Variants in CMSS1 observed in about 807,000 individuals in gnomAD.
The protein encoded by CMSS1 is protein CMSS1.
In CMSS1, 33 loss-of-function variants were observed where a neutral mutation model predicts 43.5. The observed-to-expected ratio is 0.76, with a 90% CI of 0.57 to 1.01. The LOEUF is 1.01. CMSS1 is among the 50% of genes least tolerant of loss of function. The pLI, the probability that CMSS1 is intolerant of heterozygous loss-of-function variation, is 0.00. For synonymous variants in CMSS1, 115 were observed against 117.2 expected (o/e 0.98, Z 0.12); for missense variants, 313 against 326.4 (o/e 0.96, Z 0.32).
intron 1 of CMSS1, among the ~76,000 whole-genome samples, chr3:99,846,737 G>A: frequency 6.6e-6 from 1 of 152,190 alleles, no homozygotes; most frequent in Non-Finnish European, 1.5e-5. Context: ...TTTTGTAGGG[G>A]AAAGGAGGAT....
chr3:99,824,363 T>G (rs896257696), intron 1 of CMSS1, among the ~76,000 whole-genome samples: 1 of 152,236 alleles, frequency 6.6e-6, no homozygotes, highest in African/African-American at 2.4e-5. Context: ...GTTATTATAA[T>G]TCTCAGCAGA....
chr3:100,024,026 C>T (rs2064874714), intron 1 of CMSS1, among the ~76,000 whole-genome samples: 1 of 152,188 alleles, frequency 6.6e-6, no homozygotes, highest in African/African-American at 2.4e-5. Flanking sequence ...AGCTGACAGA[C>T]TGGCAAGGAT....
At chr3:100,087,197 T>C (rs1299087022) in intron 1 of CMSS1, among the ~76,000 whole-genome samples, 2 of 152,236 alleles carry the variant, frequency 1.3e-5, no homozygotes, top group Admixed American at 1.3e-4. Flanking sequence ...GTAGCTTTCT[T>C]GTGAGTGTTT....
At chr3:99,919,160 G>A (rs915080212) in intron 1 of CMSS1, among the ~76,000 whole-genome samples, 1 of 151,996 alleles carries the variant, frequency 6.6e-6, no homozygotes, top group Non-Finnish European at 1.5e-5. Context: ...TTAATGGCAC[G>A]ATATTGAATT....
At chr3:100,027,964 T>C (rs911647837) in intron 1 of CMSS1, among the ~76,000 whole-genome samples, 2 of 152,160 alleles carry the variant, frequency 1.3e-5, no homozygotes, top group African/African-American at 2.4e-5. Context: ...GGAGTTTGAA[T>C]GCTGTTGTTA....
chr3:99,906,970 G>C (rs1026299452), intron 1 of CMSS1, among the ~76,000 whole-genome samples: 2 of 152,052 alleles, frequency 1.3e-5, no homozygotes, highest in African/African-American at 4.8e-5. Flanking sequence ...CGACTTTTAA[G>C]TTTATTTAAA....
intron 1 of CMSS1, among the ~76,000 whole-genome samples, chr3:100,076,695 G>C (rs1043137666): frequency 6.6e-6 from 1 of 152,150 alleles, no homozygotes; most frequent in Non-Finnish European, 1.5e-5. Flanking sequence ...CATGAATATT[G>C]TTTGACTTCA....
intron 1 of CMSS1, among the ~76,000 whole-genome samples, chr3:99,967,434 G>A (rs1429775093): frequency 2.0e-5 from 3 of 152,190 alleles, no homozygotes; most frequent in African/African-American, 7.2e-5. Context: ...TAGGCCATAA[G>A]AGCCTGAATT....
intron 1 of CMSS1, among the ~76,000 whole-genome samples, chr3:99,905,954 A>C (rs1327145372): frequency 6.6e-6 from 1 of 152,098 alleles, no homozygotes; most frequent in Non-Finnish European, 1.5e-5. Context: ...GCAGTTTGGG[A>C]GGCTGAGGCA....
At chr3:99,980,655 A>G (rs886203291) in intron 1 of CMSS1, among the ~76,000 whole-genome samples, 3 of 152,218 alleles carry the variant, frequency 2.0e-5, no homozygotes, top group Admixed American at 2.0e-4. Flanking sequence ...TTATGGTAGT[A>G]TCATTTTTAT....
chr3:100,117,419 G>A (rs1002766021), intron 1 of CMSS1, among the ~76,000 whole-genome samples: 2 of 151,922 alleles, frequency 1.3e-5, no homozygotes, highest in Admixed American at 6.6e-5. Context: ...TGACTTCCGA[G>A]GCCTAACTCT....
chr3:99,893,008 TGGA>T (rs1706133990), intron 1 of CMSS1, among the ~76,000 whole-genome samples: 1 of 152,154 alleles, frequency 6.6e-6, no homozygotes, highest in Non-Finnish European at 1.5e-5. Context: ...GGACAGTGAC[TGGA>T]GGAGGAGTGG....
chr3:100,051,691 C>A (rs1458316683), intron 1 of CMSS1, among the ~76,000 whole-genome samples: 4 of 151,628 alleles, frequency 2.6e-5, no homozygotes, highest in Non-Finnish European at 4.4e-5. Context: ...TGAACTCATC[C>A]TTTTTATGGC....
At chr3:100,076,657 C>T (rs913689465) in intron 1 of CMSS1, among the ~76,000 whole-genome samples, 1 of 152,182 alleles carries the variant, frequency 6.6e-6, no homozygotes, top group Admixed American at 6.5e-5. Flanking sequence ...GTGTACTTTA[C>T]TGTTCATTTT....
At chr3:100,175,662 CAA>C (rs1451422474) in intron 8 of CMSS1, among the ~76,000 whole-genome samples, 1 of 152,154 alleles carries the variant, frequency 6.6e-6, no homozygotes, top group Non-Finnish European at 1.5e-5. Flanking sequence ...ACTGTTAACA[CAA>C]GAGACGTGGA....
intron 1 of CMSS1, among the ~76,000 whole-genome samples, chr3:99,910,357 A>G (rs1415761188): frequency 2.9e-5 from 4 of 136,882 alleles, no homozygotes; most frequent in African/African-American, 5.0e-5. Flanking sequence ...ATAGAATGCA[A>G]ACACATTCAG....
At chr3:100,162,567 G>T in intron 4 of CMSS1, 135 bp downstream of exon 4, 1 of 892,110 alleles carries the variant, frequency 1.1e-6, no homozygotes, top group Non-Finnish European at 1.6e-6. Context: ...CAGCACTTTG[G>T]GAGACTGAGG....
intron 1 of CMSS1, among the ~76,000 whole-genome samples, chr3:100,091,218 G>A (rs1185457757): frequency 6.7e-6 from 1 of 149,146 alleles, no homozygotes. Context: ...CTGGAAGGCG[G>A]AACTTGCAGT....
rs116617242 is a variant in CMSS1 at position 99,889,484 on chromosome 3, A to G, written c.64+71441A>G. The stretch of plus-strand genomic sequence containing the variant: ...TTATGTTCTGGTGAGTCTCATATAA[A>G]TAACGTATAGCTAGGAATTATAATT... On this transcript the variant is annotated intron_variant, in intron 1 of 9. Transcript: ENST00000421999. 4.5e-3 allele frequency among the ~76,000 whole-genome samples: 686 copies of G among 152,200 alleles called. 8 individuals are homozygous for G. Among genetic ancestry groups the G allele is most frequent in the African/African-American group, 0.015 (628 of 41,576 alleles).
Sources: allele counts gnomAD v4.1 joint callset (sites outside exome capture counted in the v4.1 genomes callset), GRCh38; gene constraint gnomAD v4.1.1; transcripts MANE v1.5; gene names NCBI Gene and HGNC (gene_info 2026-07-23, HGNC 2026-07-21).